The following SLC24A2 variants were observed in gnomAD, a reference collection of about 807,000 sequenced individuals.
SLC24A2 encodes sodium/potassium/calcium exchanger 2.
SLC24A2 carries 36 observed loss-of-function variants against 62.0 expected under a neutral mutation model. The observed-to-expected ratio is 0.58, with a 90% CI of 0.44 to 0.77. The LOEUF is 0.77. Ranked by LOEUF, SLC24A2 falls within the 30% of genes least tolerant of loss-of-function variation. The pLI is 0.00. For synonymous variants in SLC24A2, 358 were observed against 294.0 expected (o/e 1.22, Z -2.23); for missense variants, 846 against 817.9 (o/e 1.03, Z -0.42).
chr9:19,885,602 A>G, the SLC24A2 span, among the ~76,000 whole-genome samples: 2 of 152,060 alleles, frequency 1.3e-5, no homozygotes, highest in African/African-American at 4.8e-5. Flanking sequence ...ATAATTTTTT[A>G]AGACTTCTAT....
the SLC24A2 span, among the ~76,000 whole-genome samples, chr9:20,037,218 G>C: frequency 6.6e-6 from 1 of 152,078 alleles, no homozygotes; most frequent in Non-Finnish European, 1.5e-5. Context: ...ATCATCTATA[G>C]ATTACTTACA....
the SLC24A2 span, among the ~76,000 whole-genome samples, chr9:20,110,373 A>G: frequency 6.6e-6 from 1 of 152,190 alleles, no homozygotes; most frequent in African/African-American, 2.4e-5. Flanking sequence ...TGTGATATCA[A>G]CAGTCTAAAA....
the SLC24A2 span, among the ~76,000 whole-genome samples, chr9:19,864,422 G>A: frequency 1.8e-4 from 27 of 151,982 alleles, no homozygotes. Context: ...CAATGTACCT[G>A]ACGAATATTG....
chr9:19,752,871 C>T (rs1179920574), intron 2 of SLC24A2, among the ~76,000 whole-genome samples: 1 of 152,148 alleles, frequency 6.6e-6, no homozygotes, highest in East Asian at 1.9e-4. Context: ...GTGGCCAAGC[C>T]AGATTCTGAC....
the SLC24A2 span, among the ~76,000 whole-genome samples, chr9:19,880,364 C>A: frequency 6.6e-6 from 1 of 152,146 alleles, no homozygotes; most frequent in Non-Finnish European, 1.5e-5. Flanking sequence ...CATCACCACA[C>A]ATGGAGCATC....
intron 2 of SLC24A2, among the ~76,000 whole-genome samples, chr9:19,684,059 TG>T (rs764672443): frequency 1.3e-5 from 2 of 152,084 alleles, no homozygotes; most frequent in Non-Finnish European, 2.9e-5. Flanking sequence ...AATCAAGAAT[TG>T]GGTTTAAAAA....
intron 2 of SLC24A2, among the ~76,000 whole-genome samples, chr9:19,783,411 C>T (rs1243982549): frequency 1.3e-5 from 2 of 152,114 alleles, no homozygotes; most frequent in Admixed American, 6.5e-5. Flanking sequence ...CACTGAAGGC[C>T]GCATTTGGCT....
the SLC24A2 span, among the ~76,000 whole-genome samples, chr9:20,222,089 C>A: frequency 1.3e-5 from 2 of 151,936 alleles, no homozygotes; most frequent in African/African-American, 4.8e-5. Context: ...AGGCTAAGAT[C>A]TTGTTATATC....
At chr9:19,574,734 G>T (rs960517881) in intron 6 of SLC24A2, among the ~76,000 whole-genome samples, 4 of 152,060 alleles carry the variant, frequency 2.6e-5, no homozygotes, top group African/African-American at 9.7e-5. Flanking sequence ...ACAAAGAGGA[G>T]TACCATCAGG....
intron 2 of SLC24A2, among the ~76,000 whole-genome samples, chr9:19,779,030 C>T (rs190560267): frequency 5.9e-5 from 9 of 152,144 alleles, no homozygotes; most frequent in East Asian, 3.9e-4. Context: ...TCAATAGATG[C>T]GCTTTAGAGC....
chr9:20,099,817 A>G, the SLC24A2 span, among the ~76,000 whole-genome samples: 1 of 152,152 alleles, frequency 6.6e-6, no homozygotes, highest in East Asian at 1.9e-4. Flanking sequence ...GGCCTTGGTA[A>G]TGGTAGAATG....
At chr9:19,995,362 G>A in the SLC24A2 span, among the ~76,000 whole-genome samples, 4 of 152,218 alleles carry the variant, frequency 2.6e-5, no homozygotes, top group East Asian at 3.9e-4. Context: ...TAAAGAGAGC[G>A]TGGAGGTTAT....
chr9:19,965,305 G>A, the SLC24A2 span, among the ~76,000 whole-genome samples: 1 of 152,112 alleles, frequency 6.6e-6, no homozygotes, highest in Non-Finnish European at 1.5e-5. Flanking sequence ...CAGGGTCCTG[G>A]ATGGCCCGGC....
chr9:19,803,123 T>C, the SLC24A2 span, among the ~76,000 whole-genome samples: 9 of 152,226 alleles, frequency 5.9e-5, no homozygotes, highest in Admixed American at 5.9e-4. Context: ...ACCCCATTTA[T>C]GGTATTTTTG....
At chr9:19,882,605 C>T in the SLC24A2 span, among the ~76,000 whole-genome samples, 12 of 151,052 alleles carry the variant, frequency 7.9e-5, no homozygotes, top group African/African-American at 2.2e-4. Flanking sequence ...CTGCCACTGT[C>T]AGCTTTAACT....
rs1031604446 is a variant in SLC24A2, at chr9:19,567,024, G to A, written c.1347+6327C>T. 2.6e-5 allele frequency among the ~76,000 whole-genome samples: 4 copies of A among 151,988 alleles called. 1 individual carries two copies. Among genetic ancestry groups the A allele is most frequent in the African/African-American group, 9.7e-5 (4 of 41,386 alleles). ...ATCTAATGTAAATGGCGAGTTAATG[G>A]CTGCGGCACACCAACATGGCACATG... On this transcript the variant is annotated intron_variant, in intron 7 of 10. Coordinates refer to ENST00000341998, the MANE Select transcript of SLC24A2 (RefSeq NM_020344.4).
the SLC24A2 span, among the ~76,000 whole-genome samples, chr9:20,237,049 G>T: frequency 4.6e-5 from 7 of 151,900 alleles, no homozygotes; most frequent in Middle Eastern, 3.2e-3. Context: ...AGCCTGAATC[G>T]CAAACACCAG....
chr9:20,292,069 A>T, the SLC24A2 span, among the ~76,000 whole-genome samples: 1 of 152,170 alleles, frequency 6.6e-6, no homozygotes, highest in East Asian at 1.9e-4. Flanking sequence ...GGACTCCTGG[A>T]TGCAAAGGCT....
chr9:20,107,541 C>T, the SLC24A2 span, among the ~76,000 whole-genome samples: 2 of 152,104 alleles, frequency 1.3e-5, no homozygotes, highest in East Asian at 1.9e-4. Flanking sequence ...AATAATGCCG[C>T]ATATCTACAA....
Sources: gnomAD v4.1 joint callset for allele counts (sites outside exome capture counted in the v4.1 genomes callset) on GRCh38, gnomAD v4.1.1 for gene constraint, MANE v1.5 for transcripts, NCBI Gene and HGNC (gene_info 2026-07-23, HGNC 2026-07-21) for gene names.